JAK1: variants seen among roughly 807,000 people sequenced by gnomAD.
The protein encoded by JAK1 is Janus kinase 1.
Under a neutral mutation model 136.6 loss-of-function variants are expected in JAK1, and 16 were observed. The ratio of observed to expected loss-of-function variants is 0.12; its 90% CI spans 0.08 to 0.18. The LOEUF is 0.18. JAK1 is among the 10% of genes least tolerant of loss of function. The pLI, the probability that JAK1 is intolerant of heterozygous loss-of-function variation, is 1.00. For missense variants in JAK1, 859 were observed against 1,450.1 expected (o/e 0.59, Z 6.62); for synonymous variants, 492 against 519.5 (o/e 0.95, Z 0.72).
At chr1:65,057,149 C>A (rs1292211316) in intron 1 of JAK1, among the ~76,000 whole-genome samples, 1 of 152,108 alleles carries the variant, frequency 6.6e-6, no homozygotes, top group Non-Finnish European at 1.5e-5. Flanking sequence ...AGGCTCTGAG[C>A]CTAAAACACG....
chr1:64,953,199 T>C (rs998006031), intron 1 of JAK1, among the ~76,000 whole-genome samples: 8 of 152,230 alleles, frequency 5.3e-5, no homozygotes, highest in Admixed American at 1.3e-4. Context: ...ATATTCAGTA[T>C]TTGGGGTAGC....
chr1:64,879,470 C>T (rs1363661037), intron 3 of JAK1, among the ~76,000 whole-genome samples: 2 of 152,096 alleles, frequency 1.3e-5, no homozygotes, highest in Non-Finnish European at 2.9e-5. Context: ...TTCAAAAAAA[C>T]CCCTATCTGA....
At chr1:64,842,206 T>C (rs910465202) in intron 17 of JAK1, among the ~76,000 whole-genome samples, 4 of 152,126 alleles carry the variant, frequency 2.6e-5, no homozygotes, top group African/African-American at 9.7e-5. Context: ...AAAAGAGAGA[T>C]ACAAACAGGC....
chr1:64,839,362 G>A (rs1654741020), intron 20 of JAK1: 1 of 415,126 alleles, frequency 2.4e-6, no homozygotes, highest in African/African-American at 2.0e-5. Flanking sequence ...AAGTGCAAGT[G>A]ACGTGGAGAG....
At chr1:64,885,328 C>A (rs551091170) in intron 2 of JAK1, among the ~76,000 whole-genome samples, 1 of 152,158 alleles carries the variant, frequency 6.6e-6, no homozygotes, top group Non-Finnish European at 1.5e-5. Context: ...TAAGATAAAC[C>A]TTTGTCCTTG....
intron 12 of JAK1, among the ~76,000 whole-genome samples, chr1:64,849,536 C>T (rs1234925104): frequency 6.6e-6 from 1 of 152,354 alleles, no homozygotes; most frequent in East Asian, 1.9e-4. Flanking sequence ...CCGCTTCCCC[C>T]AGGAAGCTAT....
chr1:64,850,702 A>G, intron 12 of JAK1, 102 bp downstream of exon 12: 2 of 768,972 alleles, frequency 2.6e-6, no homozygotes, highest in Non-Finnish European at 4.5e-6. Flanking sequence ...TTTTTCTACT[A>G]AGATTTCCCC....
At chr1:65,038,993 C>G (rs547976130) in intron 2 of JAK1, among the ~76,000 whole-genome samples, 1 of 148,040 alleles carries the variant, frequency 6.8e-6, no homozygotes, top group African/African-American at 2.5e-5. Flanking sequence ...GACAGGATCT[C>G]GCTATGCTGC....
intron 2 of JAK1, among the ~76,000 whole-genome samples, chr1:65,018,516 ACGCT>A (rs1646910155): frequency 6.6e-6 from 1 of 151,746 alleles, no homozygotes; most frequent in Non-Finnish European, 1.5e-5. Flanking sequence ...ACACACACAC[ACGCT>A]ATCAGGAGTG....
chr1:65,041,409 A>C (rs1258741258), intron 2 of JAK1, among the ~76,000 whole-genome samples: 3 of 152,192 alleles, frequency 2.0e-5, no homozygotes, highest in Non-Finnish European at 1.5e-5. Context: ...GTCTGAGGAA[A>C]GAGCCAGTAC....
chr1:65,055,899 T>C (rs1647513095), intron 1 of JAK1, among the ~76,000 whole-genome samples: 5 of 152,172 alleles, frequency 3.3e-5, no homozygotes, highest in Admixed American at 2.0e-4. Flanking sequence ...TGGTTGTAGA[T>C]TTTGAGGTCA....
chr1:65,015,800 A>T (rs1398109036), intron 2 of JAK1, among the ~76,000 whole-genome samples: 2 of 152,212 alleles, frequency 1.3e-5, no homozygotes, highest in Admixed American at 1.3e-4. Context: ...TCAAAAAGCT[A>T]AAAATAGCAT....
intron 1 of JAK1, among the ~76,000 whole-genome samples, chr1:65,053,543 T>C (rs916382095): frequency 2.6e-5 from 4 of 151,968 alleles, no homozygotes; most frequent in Non-Finnish European, 4.4e-5. Context: ...CTGAAAGAAA[T>C]ATACTCACTT....
intron 8 of JAK1, among the ~76,000 whole-genome samples, chr1:64,860,968 ATG>A (rs1477683826): frequency 6.4e-5 from 2 of 31,306 alleles, no homozygotes; most frequent in Non-Finnish European, 1.3e-4. Context: ...GTGTGTGTGT[ATG>A]TGTGTGTGTG....
rs112982943 is a variant in JAK1 at position 65,043,700 on chromosome 1, AT to A, written c.-78+779del. ...AGGCATGCACCACCACACCTGGCTA[AT>A]TTTTTTTTTTTTTTTTTTTTTTTTG... On this transcript the variant is annotated intron_variant, in intron 2 of 25. Coordinates refer to the JAK1 transcript ENST00000671954. Among the ~76,000 whole-genome samples, 884 of 101,152 alleles carry A rather than the reference AT, an allele frequency of 8.7e-3. 7 individuals carry two copies. The highest frequency in any genetic ancestry group is 0.021 in the African/African-American group (588 of 28,278). 66.4% of individuals were successfully genotyped at this position (101,152 alleles called of 152,430 possible).
In JAK1 at chr1:65,063,864, G is replaced by C. The variant is rs140818699; in HGVS notation, c.-181+3740C>G. Among the ~76,000 whole-genome samples the C allele has an allele frequency of 9.9e-5, 15 of 151,240 alleles. No individual in the cohort carries two copies. In the East Asian group the frequency reaches 2.7e-3, roughly 27 times the overall value. On this transcript the variant is annotated intron_variant, in intron 1 of 25. Transcript: ENST00000671954. Reference sequence around the variant, plus strand: ...AAGAAATTAATTCATAGATGAAAAGGAGTAATGCAGGCCTGAGCTGTCCAA... The same window carrying C: ...AAGAAATTAATTCATAGATGAAAAGCAGTAATGCAGGCCTGAGCTGTCCAA...
At chr1:64,839,517 C>T in intron 20 of JAK1, 86 bp downstream of exon 20, 1 of 1,197,254 alleles carries the variant, frequency 8.4e-7, no homozygotes, top group Admixed American at 2.2e-5. Context: ...CCAGGTAAGG[C>T]CACGGAGTGC....
intron 2 of JAK1, among the ~76,000 whole-genome samples, chr1:64,991,076 A>G (rs1646653078): frequency 6.6e-6 from 1 of 152,186 alleles, no homozygotes; most frequent in African/African-American, 2.4e-5. Flanking sequence ...ATGTGGACAT[A>G]AAACTAAAGA....
At chr1:64,856,659 G>T (rs1655957438) in intron 10 of JAK1, among the ~76,000 whole-genome samples, 1 of 152,154 alleles carries the variant, frequency 6.6e-6, no homozygotes, top group Non-Finnish European at 1.5e-5. Context: ...TGAATAGACG[G>T]CAAGCATTCT....
Sources: allele counts gnomAD v4.1 joint callset (sites outside exome capture counted in the v4.1 genomes callset), GRCh38; gene constraint gnomAD v4.1.1; transcripts MANE v1.5; gene names NCBI Gene and HGNC (gene_info 2026-07-23, HGNC 2026-07-21).